The following CYP7B1 variants were observed in gnomAD, a reference collection of about 807,000 sequenced individuals.
The protein encoded by CYP7B1 is cytochrome P450 7B1.
CYP7B1 carries 29 observed loss-of-function variants against 42.7 expected under a neutral mutation model. The ratio of observed to expected loss-of-function variants is 0.68; its 90% CI spans 0.51 to 0.93. The LOEUF (loss-of-function observed/expected upper bound fraction) is 0.93, where lower values mean the gene tolerates loss of function less well. CYP7B1 is among the 40% of genes least tolerant of loss of function. The pLI is 0.00. For synonymous variants in CYP7B1, 235 were observed against 218.2 expected (o/e 1.08, Z -0.68); for missense variants, 655 against 600.5 (o/e 1.09, Z -0.95).
intron 1 of CYP7B1, among the ~76,000 whole-genome samples, chr8:64,664,775 C>T (rs1257942175): frequency 1.3e-5 from 2 of 152,292 alleles, no homozygotes; most frequent in East Asian, 3.9e-4. Flanking sequence ...ATCTTTGTGG[C>T]ACTTATCCTT....
chr8:64,775,902 C>A (rs909419066), intron 1 of CYP7B1, among the ~76,000 whole-genome samples: 1 of 152,050 alleles, frequency 6.6e-6, no homozygotes, highest in African/African-American at 2.4e-5. Context: ...TCATATCATT[C>A]CCAAATGATT....
chr8:64,722,748 G>C lies in CYP7B1; in HGVS notation c.122+75718C>G, dbSNP rs1342548469. ...AGTAGAATGATTTTTTGCGGCGGGG[G>C]GGGGGGGGCGGGAGGTTTTTTTTTA... On this transcript the variant is annotated intron_variant, in intron 1 of 5. Coordinates refer to ENST00000310193, the MANE Select transcript of CYP7B1 (RefSeq NM_004820.5). 1.8e-4 allele frequency among the ~76,000 whole-genome samples: 19 copies of C among 107,078 alleles called. 1 individual carries two copies. The highest frequency in any genetic ancestry group is 5.6e-4 in the African/African-American group (16 of 28,688). The allele number at this position is 107,078 out of a possible 152,430, so 70.2% of individuals were successfully genotyped here.
In CYP7B1 at chr8:64,592,466, C is replaced by T. The variant is rs971010881; in HGVS notation, c.*4176G>A. On this transcript the variant is annotated 3_prime_UTR_variant, in exon 6 of 6. Transcript: ENST00000310193. ...GCATTTATAATAAATTAGTTGCCTA[C>T]GTATTGTTTTCCCTAACAAATAGTA... Among the ~76,000 whole-genome samples the T allele has an allele frequency of 4.6e-5, 7 of 152,156 alleles. No individual in the cohort carries two copies. Among genetic ancestry groups the T allele is most frequent in the Non-Finnish European group, 7.4e-5 (5 of 68,020 alleles).
chr8:64,627,612 G>A (rs1233696722), intron 1 of CYP7B1, among the ~76,000 whole-genome samples: 2 of 152,090 alleles, frequency 1.3e-5, no homozygotes, highest in East Asian at 1.9e-4. Context: ...TGGGGTTTCC[G>A]CCAGGGGAAA....
intron 1 of CYP7B1, among the ~76,000 whole-genome samples, chr8:64,629,387 A>C (rs1805655952): frequency 6.6e-6 from 1 of 152,190 alleles, no homozygotes; most frequent in Non-Finnish European, 1.5e-5. Flanking sequence ...ATACATGCAC[A>C]CTAACTAGAA....
At chr8:64,794,008 C>G (rs896390944) in intron 1 of CYP7B1, among the ~76,000 whole-genome samples, 3 of 150,708 alleles carry the variant, frequency 2.0e-5, no homozygotes, top group Non-Finnish European at 3.0e-5. Context: ...GAAGAATAGG[C>G]AAAAGAAGGC....
chr8:64,703,075 T>A (rs1014807650), intron 1 of CYP7B1, among the ~76,000 whole-genome samples: 3 of 151,976 alleles, frequency 2.0e-5, no homozygotes, highest in African/African-American at 7.2e-5. Flanking sequence ...AATTTATGAG[T>A]GACAAACCCT....
chr8:64,660,753 T>C (rs996456930), intron 1 of CYP7B1, among the ~76,000 whole-genome samples: 1 of 152,146 alleles, frequency 6.6e-6, no homozygotes, highest in African/African-American at 2.4e-5. Context: ...GAGGGGAACA[T>C]ATGAGGCATG....
chr8:64,624,948 A>ATTTT (rs1185048024), intron 1 of CYP7B1, among the ~76,000 whole-genome samples: 1 of 76,802 alleles, frequency 1.3e-5, no homozygotes, highest in African/African-American at 8.0e-5. Flanking sequence ...CCATTATATC[A>ATTTT]TTCTTTTTTT....
At chr8:64,726,319 G>A (rs958463123) in intron 1 of CYP7B1, among the ~76,000 whole-genome samples, 3 of 152,202 alleles carry the variant, frequency 2.0e-5, no homozygotes, top group Admixed American at 2.0e-4. Context: ...AGAGACTGAT[G>A]ATGTACGTTG....
rs1211319542 is a variant in CYP7B1 at position 64,596,014 on chromosome 8, T to C, written c.*628A>G. On this transcript the variant is annotated 3_prime_UTR_variant, in exon 6 of 6. Coordinates refer to ENST00000310193, the MANE Select transcript of CYP7B1 (RefSeq NM_004820.5). ...GAAAGGTCTTATGTAACCAGAAATTTTGTTCTATTGAGCCATAGTATACAA... is the reference window on the plus strand; with the variant it reads ...GAAAGGTCTTATGTAACCAGAAATTCTGTTCTATTGAGCCATAGTATACAA... The C allele has an allele frequency of 6.2e-6, 1 of 160,978 alleles. No individual in the cohort carries two copies. Among genetic ancestry groups the C allele is most frequent in the Non-Finnish European group, 1.4e-5 (1 of 70,058 alleles). 10.0% of individuals were successfully genotyped at this position (160,978 alleles called of 1,614,324 possible). A position where few individuals can be genotyped will look rare whatever the true frequency, so the allele number is the denominator to read the frequency against.
At chr8:64,684,611 T>C (rs1024800435) in intron 1 of CYP7B1, among the ~76,000 whole-genome samples, 2 of 152,230 alleles carry the variant, frequency 1.3e-5, no homozygotes, top group African/African-American at 4.8e-5. Flanking sequence ...TTTCAACATT[T>C]CTTCCCAGTT....
Position 64,591,064 on chromosome 8 carries a change from T to C in CYP7B1, c.*5578A>G, listed in dbSNP as rs1024392467. ...ACAGCACTCCTCCTTCTAAAAATATTTTAAAACATAAGTATTGACAAATTA... is the reference window on the plus strand; with the variant it reads ...ACAGCACTCCTCCTTCTAAAAATATCTTAAAACATAAGTATTGACAAATTA... On this transcript the variant is annotated 3_prime_UTR_variant, in exon 6 of 6. Coordinates refer to ENST00000310193, the MANE Select transcript of CYP7B1 (RefSeq NM_004820.5). 1.3e-5 allele frequency among the ~76,000 whole-genome samples: 2 copies of C among 152,108 alleles called. No individual in the cohort carries two copies. The highest frequency in any genetic ancestry group is 4.8e-5 in the African/African-American group (2 of 41,436).
chr8:64,603,511 A>C (rs2129629913), intron 5 of CYP7B1, among the ~76,000 whole-genome samples: 1 of 152,334 alleles, frequency 6.6e-6, no homozygotes, highest in African/African-American at 2.4e-5. Context: ...TAAAAATAAA[A>C]ATTAAAAATA....
intron 1 of CYP7B1, among the ~76,000 whole-genome samples, chr8:64,646,814 T>C (rs1180539032): frequency 6.6e-6 from 1 of 152,228 alleles, no homozygotes; most frequent in African/African-American, 2.4e-5. Flanking sequence ...TTTGATCTTT[T>C]ATTCAGACGG....
chr8:64,747,936 A>C (rs1305707118), intron 1 of CYP7B1, among the ~76,000 whole-genome samples: 1 of 152,212 alleles, frequency 6.6e-6, no homozygotes, highest in African/African-American at 2.4e-5. Flanking sequence ...AAAAACTTGC[A>C]GGGGAGGAAC....
intron 1 of CYP7B1, among the ~76,000 whole-genome samples, chr8:64,784,509 G>GA (rs758217194): frequency 6.6e-6 from 1 of 152,144 alleles, no homozygotes; most frequent in Non-Finnish European, 1.5e-5. Flanking sequence ...GATTCTTCAA[G>GA]AAAAGTCTCA....
chr8:64,615,725 C>T lies in CYP7B1; in HGVS notation c.816G>A (p.Glu272=). Residue 272 remains glutamate (E), a synonymous_variant, in exon 3 of 6, where the codon GAG becomes GAA. Coordinates refer to ENST00000310193, the MANE Select transcript of CYP7B1 (RefSeq NM_004820.5). ...EVFQSRQDVL[E]KYYVHEDLEI... ...CAAGGTCCTCGTGCACATAATATTTCTCCAGGACATCTTGCCTGCTTTGAA... is the reference window on the plus strand; with the variant it reads ...CAAGGTCCTCGTGCACATAATATTTTTCCAGGACATCTTGCCTGCTTTGAA... 1 of 1,613,694 alleles carries T rather than the reference C, an allele frequency of 6.2e-7. No homozygotes were observed. The highest frequency in any genetic ancestry group is 8.5e-7 in the Non-Finnish European group (1 of 1,179,710).
chr8:64,733,116 C>G (rs893986816), intron 1 of CYP7B1, among the ~76,000 whole-genome samples: 1 of 152,122 alleles, frequency 6.6e-6, no homozygotes, highest in African/African-American at 2.4e-5. Context: ...TCTTTATTAG[C>G]AGCATGAGAA....
Sources: gnomAD v4.1 joint callset for allele counts (sites outside exome capture counted in the v4.1 genomes callset) on GRCh38, gnomAD v4.1.1 for gene constraint, MANE v1.5 for transcripts, NCBI Gene and HGNC (gene_info 2026-07-23, HGNC 2026-07-21) for gene names.